Variants in ZNF385D observed in about 807,000 individuals in gnomAD.
The protein encoded by ZNF385D is zinc finger protein 385D, also known as zinc finger protein 659.
ZNF385D carries 15 observed loss-of-function variants against 35.8 expected under a neutral mutation model. The ratio of observed to expected loss-of-function variants is 0.42; its 90% CI spans 0.28 to 0.64. ZNF385D has a LOEUF of 0.64. Ranked by LOEUF, ZNF385D falls within the 30% of genes least tolerant of loss-of-function variation. The probability of loss-of-function intolerance (pLI) is 0.23; values close to 1 mark genes in which losing one functional copy is unlikely to be tolerated. For synonymous variants in ZNF385D, 212 were observed against 186.8 expected (o/e 1.13, Z -1.10); for missense variants, 474 against 494.6 (o/e 0.96, Z 0.39).
chr3:21,906,570 C>G (rs1345786648), intron 3 of ZNF385D, among the ~76,000 whole-genome samples: 9 of 152,120 alleles, frequency 5.9e-5, no homozygotes. Flanking sequence ...TGTGACCTTG[C>G]CTTCACCCAA....
chr3:21,520,861 T>G (rs1707861072), intron 3 of ZNF385D, among the ~76,000 whole-genome samples: 1 of 152,180 alleles, frequency 6.6e-6, no homozygotes, highest in African/African-American at 2.4e-5. Context: ...AACACCATTT[T>G]TAAACTTCTA....
chr3:22,282,097 C>T (rs1209698399), intron 2 of ZNF385D, among the ~76,000 whole-genome samples: 1 of 151,806 alleles, frequency 6.6e-6, no homozygotes, highest in African/African-American at 2.4e-5. Context: ...GTAATATATC[C>T]CGTTTCATTT....
intron 3 of ZNF385D, among the ~76,000 whole-genome samples, chr3:21,859,502 T>C (rs987860129): frequency 2.6e-5 from 4 of 151,960 alleles, no homozygotes; most frequent in African/African-American, 9.7e-5. Flanking sequence ...TCCACTCTCT[T>C]TGCTCTGATC....
intron 3 of ZNF385D, among the ~76,000 whole-genome samples, chr3:22,081,901 C>CATTT (rs1559354285): frequency 2.0e-5 from 3 of 152,012 alleles, no homozygotes; most frequent in Non-Finnish European, 4.4e-5. Flanking sequence ...TCTTAGCTAA[C>CATTT]ACAGTGATCT....
intron 1 of ZNF385D, among the ~76,000 whole-genome samples, chr3:21,678,108 A>C (rs1347525157): frequency 6.6e-6 from 1 of 152,070 alleles, no homozygotes; most frequent in Admixed American, 6.6e-5. Flanking sequence ...AACCCTCAAC[A>C]TTAGGGCATC....
At chr3:21,492,739 G>C (rs13317408) in intron 4 of ZNF385D, among the ~76,000 whole-genome samples, 1 of 151,000 alleles carries the variant, frequency 6.6e-6, no homozygotes, top group Non-Finnish European at 1.5e-5. Context: ...AGCCAACATC[G>C]TGCCACTGCA....
intron 3 of ZNF385D, among the ~76,000 whole-genome samples, chr3:21,811,780 A>G (rs1455458075): frequency 1.3e-5 from 2 of 152,222 alleles, no homozygotes; most frequent in African/African-American, 4.8e-5. Context: ...GAACAGCACC[A>G]TTTTGCAAGC....
intron 2 of ZNF385D, among the ~76,000 whole-genome samples, chr3:21,631,180 T>C (rs114386575): frequency 9.1e-4 from 139 of 152,176 alleles, no homozygotes; most frequent in African/African-American, 2.9e-3. Context: ...GACAATTTCC[T>C]TTTCCACGCT....
At chr3:21,701,795 G>A (rs1260388190) in intron 1 of ZNF385D, among the ~76,000 whole-genome samples, 1 of 152,154 alleles carries the variant, frequency 6.6e-6, no homozygotes, top group Non-Finnish European at 1.5e-5. Flanking sequence ...ATGCAAGTCT[G>A]AAATCCAGCA....
At chr3:21,866,927 T>C (rs1697396248) in intron 3 of ZNF385D, among the ~76,000 whole-genome samples, 2 of 152,072 alleles carry the variant, frequency 1.3e-5, no homozygotes, top group South Asian at 4.1e-4. Flanking sequence ...TGAGGAGACT[T>C]AAAAAATACC....
At chr3:22,083,020 G>C (rs1381509394) in intron 3 of ZNF385D, among the ~76,000 whole-genome samples, 1 of 152,150 alleles carries the variant, frequency 6.6e-6, no homozygotes, top group Non-Finnish European at 1.5e-5. Flanking sequence ...CAAACAGAAA[G>C]GAATAGCATC....
intron 3 of ZNF385D, among the ~76,000 whole-genome samples, chr3:21,832,679 G>C (rs1419267041): frequency 6.6e-6 from 1 of 152,122 alleles, no homozygotes; most frequent in Non-Finnish European, 1.5e-5. Context: ...TGAATGGTAA[G>C]GTCATGCCAT....
At chr3:22,198,426 C>T (rs1403805048) in intron 2 of ZNF385D, among the ~76,000 whole-genome samples, 1 of 151,976 alleles carries the variant, frequency 6.6e-6, no homozygotes. Context: ...TGGAAGAAAG[C>T]TCTAAGTCTT....
intron 3 of ZNF385D, among the ~76,000 whole-genome samples, chr3:21,518,746 C>T (rs1049939672): frequency 6.6e-6 from 1 of 152,036 alleles, no homozygotes; most frequent in African/African-American, 2.4e-5. Flanking sequence ...TTCTCTACTG[C>T]TCTATTTAAC....
At chr3:21,737,356 T>C (rs1180486672) in intron 1 of ZNF385D, among the ~76,000 whole-genome samples, 1 of 152,196 alleles carries the variant, frequency 6.6e-6, no homozygotes, top group African/African-American at 2.4e-5. Flanking sequence ...AGATACCATG[T>C]AGCCATAAAA....
intron 3 of ZNF385D, among the ~76,000 whole-genome samples, chr3:22,007,310 C>A (rs111615129): frequency 0.023 from 3,444 of 152,232 alleles, 74 homozygotes; most frequent in Middle Eastern, 0.096. Context: ...CATAAGTGTT[C>A]ATAAAGATCT....
chr3:21,975,864 T>C (rs899663295), intron 3 of ZNF385D, among the ~76,000 whole-genome samples: 5 of 151,608 alleles, frequency 3.3e-5, no homozygotes, highest in African/African-American at 7.3e-5. Context: ...TGTTCTTCCA[T>C]TGAGTCATCT....
chr3:21,671,230 T>C (rs2066567189), intron 1 of ZNF385D, among the ~76,000 whole-genome samples: 1 of 152,052 alleles, frequency 6.6e-6, no homozygotes, highest in Admixed American at 6.6e-5. Context: ...GGTTGGAGGC[T>C]ATGCTTCCCC....
At chr3:21,858,740 C>G (rs954638304) in intron 3 of ZNF385D, among the ~76,000 whole-genome samples, 2 of 152,056 alleles carry the variant, frequency 1.3e-5, no homozygotes, top group African/African-American at 4.8e-5. Flanking sequence ...TAAGACAGCA[C>G]GAATGATTGG....
Sources: gnomAD v4.1 joint callset for allele counts (sites outside exome capture counted in the v4.1 genomes callset) on GRCh38, gnomAD v4.1.1 for gene constraint, MANE v1.5 for transcripts, NCBI Gene and HGNC (gene_info 2026-07-23, HGNC 2026-07-21) for gene names.